The following FUT8 variants were observed in gnomAD, a reference collection of about 807,000 sequenced individuals.
The protein encoded by FUT8 is alpha-(1,6)-fucosyltransferase.
In FUT8, 29 loss-of-function variants were observed where a neutral mutation model predicts 71.3. That is an observed-to-expected ratio of 0.41 (90% CI 0.30 to 0.55). FUT8 has a LOEUF of 0.55. FUT8 is among the 20% of genes least tolerant of loss of function. FUT8 has a pLI of 0.34. For missense variants in FUT8, 544 were observed against 702.1 expected (o/e 0.77, Z 2.55); for synonymous variants, 254 against 239.3 (o/e 1.06, Z -0.57).
At chr14:65,361,776 G>C in the FUT8 span, among the ~76,000 whole-genome samples, 5 of 151,908 alleles carry the variant, frequency 3.3e-5, no homozygotes, top group Non-Finnish European at 7.4e-5. Flanking sequence ...GACAGAGCAA[G>C]AGTCTGTCTC....
At chr14:65,455,739 G>A in intron 2 of FUT8, 21 bp downstream of exon 2, 2 of 398,054 alleles carry the variant, frequency 5.0e-6, no homozygotes, top group South Asian at 2.5e-4. Context: ...TTTGTGGACA[G>A]CACTTCCCTG....
intron 2 of FUT8, among the ~76,000 whole-genome samples, chr14:65,557,402 G>T (rs1332812099): frequency 6.7e-6 from 1 of 149,428 alleles, no homozygotes; most frequent in Non-Finnish European, 1.5e-5. Context: ...TTGTGATCTC[G>T]GCTCACTGCA....
chr14:65,692,368 C>T (rs1893674064), intron 7 of FUT8, among the ~76,000 whole-genome samples: 3 of 146,304 alleles, frequency 2.1e-5, no homozygotes, highest in Admixed American at 6.7e-5. Context: ...CTGACCCCCC[C>T]ACCTCCCTCC....
At chr14:65,591,653 A>G (rs1459631235) in intron 3 of FUT8, among the ~76,000 whole-genome samples, 2 of 152,092 alleles carry the variant, frequency 1.3e-5, no homozygotes, top group African/African-American at 2.4e-5. Flanking sequence ...CATTGGTGAC[A>G]TGAGGGGAAG....
intron 3 of FUT8, among the ~76,000 whole-genome samples, chr14:65,600,677 G>C (rs1363577610): frequency 1.3e-5 from 2 of 152,080 alleles, no homozygotes; most frequent in African/African-American, 4.8e-5. Flanking sequence ...TTGTTATTAT[G>C]TATAATCTTG....
chr14:65,674,609 A>G (rs746379118), intron 7 of FUT8, among the ~76,000 whole-genome samples: 1 of 152,220 alleles, frequency 6.6e-6, no homozygotes, highest in Non-Finnish European at 1.5e-5. Context: ...GAATATCTCT[A>G]TGCTTAATAA....
intron 2 of FUT8, among the ~76,000 whole-genome samples, chr14:65,508,386 G>C (rs916300744): frequency 6.7e-6 from 1 of 150,116 alleles, no homozygotes; most frequent in Non-Finnish European, 1.5e-5. Flanking sequence ...TTTTTCATAC[G>C]TGTGTTTGCT....
At chr14:65,609,246 G>T (rs1378945671) in intron 3 of FUT8, among the ~76,000 whole-genome samples, 2 of 150,712 alleles carry the variant, frequency 1.3e-5, no homozygotes, top group East Asian at 3.9e-4. Context: ...AGTGAGCCAG[G>T]ATCGCGCCAC....
chr14:65,681,892 T>C (rs1436853515), intron 7 of FUT8, among the ~76,000 whole-genome samples: 2 of 152,162 alleles, frequency 1.3e-5, no homozygotes, highest in African/African-American at 4.8e-5. Context: ...CAGTCTGACT[T>C]CAAAACCTGA....
chr14:65,625,064 C>CATAAATAAATAAATAAATAA (rs145476463), intron 5 of FUT8, among the ~76,000 whole-genome samples: 21 of 146,526 alleles, frequency 1.4e-4, no homozygotes, highest in South Asian at 6.7e-4. Flanking sequence ...GAAACTCTGT[C>CATAAATAAATAAATAAATAA]ATAAATAAAT....
the FUT8 span, among the ~76,000 whole-genome samples, chr14:65,402,242 C>T: frequency 1.4e-5 from 2 of 139,292 alleles, no homozygotes; most frequent in South Asian, 4.6e-4. Context: ...CTTGTTCTGT[C>T]CCACAGGCTG....
chr14:65,595,955 G>T (rs1235593767), intron 3 of FUT8, among the ~76,000 whole-genome samples: 1 of 152,162 alleles, frequency 6.6e-6, no homozygotes. Flanking sequence ...TTCTGCTGTG[G>T]CTGATAAACA....
chr14:65,539,932 T>C (rs1434113342), intron 2 of FUT8, among the ~76,000 whole-genome samples: 1 of 152,220 alleles, frequency 6.6e-6, no homozygotes, highest in Non-Finnish European at 1.5e-5. Flanking sequence ...AGGTAACTTG[T>C]ATAAAACATA....
chr14:65,560,445 T>G (rs555991698), intron 2 of FUT8, among the ~76,000 whole-genome samples: 1 of 152,282 alleles, frequency 6.6e-6, no homozygotes, highest in African/African-American at 2.4e-5. Flanking sequence ...CCTTCTAAAG[T>G]GCAGGGATTA....
intron 3 of FUT8, among the ~76,000 whole-genome samples, chr14:65,602,153 A>G (rs1888321021): frequency 6.6e-6 from 1 of 151,062 alleles, no homozygotes; most frequent in Non-Finnish European, 1.5e-5. Context: ...CCGAGTCCCC[A>G]AAGTCCGTCG....
intron 2 of FUT8, among the ~76,000 whole-genome samples, chr14:65,485,223 T>G (rs1483761361): frequency 1.3e-5 from 2 of 152,150 alleles, no homozygotes; most frequent in Admixed American, 1.3e-4. Flanking sequence ...AACATCTGGG[T>G]TGGTTTCAGT....
chr14:65,379,231 A>G, the FUT8 span, among the ~76,000 whole-genome samples: 1 of 152,152 alleles, frequency 6.6e-6, no homozygotes, highest in Non-Finnish European at 1.5e-5. Context: ...CAAACATTCA[A>G]TAAATATCTA....
At chr14:65,611,294 CA>C (rs1566851558) in intron 3 of FUT8, among the ~76,000 whole-genome samples, 3 of 47,356 alleles carry the variant, frequency 6.3e-5, no homozygotes, top group African/African-American at 1.9e-4. Flanking sequence ...CACACACACA[CA>C]CACACACCCC....
rs1419815090 is a variant in FUT8 at position 65,413,657 on chromosome 14, G to A, written c.-326+443G>A. 6.6e-6 allele frequency among the ~76,000 whole-genome samples: 1 copy of A among 152,166 alleles called. No homozygotes were observed. The highest frequency in any genetic ancestry group is 1.5e-5 in the Non-Finnish European group (1 of 68,024). On this transcript the variant is annotated intron_variant, in intron 1 of 10. Coordinates refer to ENST00000673929, the MANE Select transcript of FUT8 (RefSeq NM_001371533.1). This position sits in a 1 kb window ranked among gnomAD's most constrained non-coding sequence, Gnocchi z 4.1. ...GGGGAGGAAGATGCCCGTGCGTTAT[G>A]GGCTCTTTCTGAGTGCTGCTCGGGC...
Sources: allele counts gnomAD v4.1 joint callset (sites outside exome capture counted in the v4.1 genomes callset), GRCh38; gene constraint gnomAD v4.1.1; non-coding constraint Gnocchi (gnomAD v3.1); transcripts MANE v1.5; gene names NCBI Gene and HGNC (gene_info 2026-07-23, HGNC 2026-07-21).